SPATS2L: variants seen among roughly 807,000 people sequenced by gnomAD.
SPATS2L encodes spermatogenesis associated serine rich 2 like, also known as SPATS2-like protein.
In SPATS2L, 30 loss-of-function variants were observed where a neutral mutation model predicts 59.6. That is an observed-to-expected ratio of 0.50 (90% CI 0.38 to 0.68). SPATS2L has a LOEUF of 0.68. Among genes scored for constraint, SPATS2L ranks in the 30% least tolerant of loss-of-function variants. The pLI, the probability that SPATS2L is intolerant of heterozygous loss-of-function variation, is 0.00. For missense variants in SPATS2L, 615 were observed against 700.0 expected (o/e 0.88, Z 1.37); for synonymous variants, 252 against 263.5 (o/e 0.96, Z 0.42).
Position 200,306,913 on chromosome 2 carries a change from C to G in SPATS2L, c.-82C>G. 1.0e-6 allele frequency: 1 copy of G among 981,216 alleles called. No individual in the cohort carries two copies. The highest frequency in any genetic ancestry group is 1.8e-5 in the African/African-American group (1 of 56,794). The allele number at this position is 981,216 out of a possible 1,614,324, so 60.8% of individuals were successfully genotyped here. ...GGCCCGGGACGGAGGAGCCGGCGCT[C>G]GACACAGAGGTAAGCCCAGGACCCC... On this transcript the variant is annotated 5_prime_UTR_variant, in exon 1 of 13. Transcript: ENST00000409140.
chr2:200,409,875 G>A (rs1348130184), intron 3 of SPATS2L, among the ~76,000 whole-genome samples: 1 of 152,166 alleles, frequency 6.6e-6, no homozygotes, highest in East Asian at 1.9e-4. Flanking sequence ...TTTGAAGAAG[G>A]ATAGGCAAGA....
chr2:200,397,601 G>T lies in SPATS2L; in HGVS notation c.39+8318G>T, dbSNP rs181055706. Reference sequence around the variant, plus strand: ...TTAACTTGATTATAAGCTCCTAGTGGACTTTTGATTTATTTGTGTACTTAT... The same window carrying T: ...TTAACTTGATTATAAGCTCCTAGTGTACTTTTGATTTATTTGTGTACTTAT... On this transcript the variant is annotated intron_variant, in intron 3 of 12. Transcript: ENST00000409140. 7.2e-5 allele frequency among the ~76,000 whole-genome samples: 11 copies of T among 151,734 alleles called. No individual in the cohort carries two copies. In the East Asian group the frequency reaches 2.1e-3, roughly 29 times the overall value.
rs1329172849 is a variant in SPATS2L, at chr2:200,478,709, A to G, written c.*678A>G. 6.6e-6 allele frequency: 1 copy of G among 152,522 alleles called. No homozygotes were observed. Among genetic ancestry groups the G allele is most frequent in the Non-Finnish European group, 1.5e-5 (1 of 68,046 alleles). 9.4% of individuals were successfully genotyped at this position (152,522 alleles called of 1,614,324 possible). On this transcript the variant is annotated 3_prime_UTR_variant, in exon 13 of 13. Transcript: ENST00000409140. Reference sequence around the variant, plus strand: ...ATATATGCCCTTTCAATTAGATTACACAAATAGATGGATATGCACCCTGAT... The same window carrying G: ...ATATATGCCCTTTCAATTAGATTACGCAAATAGATGGATATGCACCCTGAT...
chr2:200,445,145 T>C (rs1199986085), intron 8 of SPATS2L, among the ~76,000 whole-genome samples: 2 of 150,854 alleles, frequency 1.3e-5, no homozygotes, highest in African/African-American at 4.9e-5. Flanking sequence ...ACCTTGTCTC[T>C]ACAAAAAGAA....
chr2:200,470,618 A>G (rs571662041), intron 11 of SPATS2L, among the ~76,000 whole-genome samples: 4 of 152,316 alleles, frequency 2.6e-5, no homozygotes, highest in Non-Finnish European at 4.4e-5. Context: ...GGAGGTGGGA[A>G]TGAGCACTGA....
At chr2:200,388,170 AAC>A (rs2082051732) in intron 2 of SPATS2L, among the ~76,000 whole-genome samples, 1 of 152,194 alleles carries the variant, frequency 6.6e-6, no homozygotes, top group African/African-American at 2.4e-5. Flanking sequence ...TAAGTGAAAA[AAC>A]AAATTTAAAA....
chr2:200,394,464 T>A (rs1253261231), intron 3 of SPATS2L, among the ~76,000 whole-genome samples: 2 of 152,180 alleles, frequency 1.3e-5, no homozygotes, highest in African/African-American at 4.8e-5. Context: ...AGTGTAATTG[T>A]TAGTTGTGGC....
chr2:200,433,458 T>A lies in SPATS2L; in HGVS notation c.446-5664T>A, dbSNP rs563010311. On this transcript the variant is annotated intron_variant, in intron 6 of 12. Transcript: ENST00000409140. ...AAAACACCATCTTAAGAGTATGGTG[T>A]CTGAACACAGTAGAATTGAATTAAC... Among the ~76,000 whole-genome samples the A allele has an allele frequency of 9.2e-5, 14 of 152,212 alleles. No individual in the cohort carries two copies. The South Asian group carries it at 2.9e-3, about 32-fold the overall frequency.
chr2:200,422,024 G>A (rs1376555339), intron 6 of SPATS2L, among the ~76,000 whole-genome samples: 1 of 152,164 alleles, frequency 6.6e-6, no homozygotes, highest in Non-Finnish European at 1.5e-5. Context: ...CTTCCCAGTG[G>A]ACAGCTGCCT....
At chr2:200,412,894 A>T (rs991401560) in intron 4 of SPATS2L, among the ~76,000 whole-genome samples, 13 of 151,776 alleles carry the variant, frequency 8.6e-5, no homozygotes, top group African/African-American at 1.5e-4. Context: ...TCTATAAAAA[A>T]ATATATATAT....
At chr2:200,309,569 A>C (rs1198043738) in intron 1 of SPATS2L, among the ~76,000 whole-genome samples, 1 of 152,210 alleles carries the variant, frequency 6.6e-6, no homozygotes, top group Non-Finnish European at 1.5e-5. Context: ...ATGACACAGG[A>C]CATGAGAGTA....
At chr2:200,311,864 A>G (rs906883802) in intron 1 of SPATS2L, among the ~76,000 whole-genome samples, 3 of 152,132 alleles carry the variant, frequency 2.0e-5, no homozygotes, top group Non-Finnish European at 2.9e-5. Flanking sequence ...TTAGAATGAC[A>G]GTTGTTTGAG....
intron 2 of SPATS2L, among the ~76,000 whole-genome samples, chr2:200,387,609 T>C (rs1053344025): frequency 3.9e-5 from 6 of 152,172 alleles, no homozygotes; most frequent in Non-Finnish European, 7.4e-5. Flanking sequence ...AAGACGTAAG[T>C]GTAAAAGAAA....
intron 2 of SPATS2L, among the ~76,000 whole-genome samples, chr2:200,343,330 A>G (rs1021677882): frequency 6.6e-6 from 1 of 152,230 alleles, no homozygotes; most frequent in Non-Finnish European, 1.5e-5. Flanking sequence ...TACGGAGTAT[A>G]TAATATAAAA....
intron 2 of SPATS2L, among the ~76,000 whole-genome samples, chr2:200,363,265 A>T (rs1004897306): frequency 6.7e-6 from 1 of 149,130 alleles, no homozygotes; most frequent in African/African-American, 2.5e-5. Flanking sequence ...TATCCTCGCT[A>T]GGAAAAAAAT....
intron 8 of SPATS2L, among the ~76,000 whole-genome samples, chr2:200,452,049 C>T (rs1220892682): frequency 2.6e-5 from 4 of 152,134 alleles, no homozygotes; most frequent in Admixed American, 1.3e-4. Flanking sequence ...CTGCCTGCCT[C>T]GCCCTCCCAA....
At chr2:200,459,099 G>A (rs1345886551) in intron 8 of SPATS2L, among the ~76,000 whole-genome samples, 1 of 152,174 alleles carries the variant, frequency 6.6e-6, no homozygotes, top group African/African-American at 2.4e-5. Context: ...GGGTTGGGAT[G>A]GGATAGGAGA....
intron 9 of SPATS2L, among the ~76,000 whole-genome samples, chr2:200,464,706 C>G (rs2086467457): frequency 6.6e-6 from 1 of 152,022 alleles, no homozygotes; most frequent in Non-Finnish European, 1.5e-5. Context: ...TCTTGAACTC[C>G]TGAGTCAAGC....
chr2:200,368,383 T>TTAAG (rs35292094), intron 2 of SPATS2L, among the ~76,000 whole-genome samples: 143 of 152,316 alleles, frequency 9.4e-4, no homozygotes, highest in African/African-American at 3.4e-3. Flanking sequence ...GATGAGAGAC[T>TTAAG]TAAGCTCTTT....
Sources: allele counts gnomAD v4.1 joint callset (sites outside exome capture counted in the v4.1 genomes callset), GRCh38; gene constraint gnomAD v4.1.1; transcripts MANE v1.5; gene names NCBI Gene and HGNC (gene_info 2026-07-23, HGNC 2026-07-21).